Variants in DNAH8 observed in about 807,000 individuals in gnomAD.
DNAH8 encodes dynein axonemal heavy chain 8, also known as axonemal beta dynein heavy chain 8.
A neutral mutation model predicts 562.1 loss-of-function variants in DNAH8; 382 were observed. The observed-to-expected ratio is 0.68, with a 90% CI of 0.63 to 0.74. The LOEUF is 0.74. DNAH8 is among the 30% of genes least tolerant of loss of function. DNAH8 has a pLI of 0.00. For missense variants in DNAH8, 5,203 were observed against 5,620.4 expected (o/e 0.93, Z 2.37); for synonymous variants, 1,881 against 1,919.4 (o/e 0.98, Z 0.52).
intron 3 of DNAH8, among the ~76,000 whole-genome samples, chr6:38,723,754 T>G (rs1039040367): frequency 1.3e-5 from 2 of 151,948 alleles, no homozygotes; most frequent in Non-Finnish European, 2.9e-5. Context: ...TCCGTACCTG[T>G]GGTCCCAGCT....
chr6:38,922,978 T>C (rs1201572651), intron 71 of DNAH8, 80 bp from the exon 72 acceptor site: 5 of 1,426,834 alleles, frequency 3.5e-6, no homozygotes, highest in Non-Finnish European at 4.8e-6. Flanking sequence ...CCCCCATGTA[T>C]TTTTATGTGT....
rs117322429 is a variant in DNAH8, at chr6:38,761,672, A to G, written c.1516-30A>G. 383 of 1,192,512 alleles carry G rather than the reference A, an allele frequency of 3.2e-4. 1 individual carries two copies. The East Asian group carries it at 6.7e-3, about 21-fold the overall frequency. The allele number at this position is 1,192,512 out of a possible 1,614,324, so 73.9% of individuals were successfully genotyped here. A position where few individuals can be genotyped will look rare whatever the true frequency, so the allele number is the denominator to read the frequency against. ...ATAAATGTTATTTCTCTTTTTACAT[A>G]TAATTATTTTGTACCTATATTTATT... is the stretch of plus-strand genomic sequence containing the variant. On this transcript the variant is annotated intron_variant, in intron 10 of 92. Transcript: ENST00000327475.
chr6:38,885,659 TG>T (rs1778861659), intron 56 of DNAH8, among the ~76,000 whole-genome samples: 1 of 152,208 alleles, frequency 6.6e-6, no homozygotes. Context: ...ACGCTGGATA[TG>T]GTGTTCACTC....
rs538832245 is a variant in DNAH8 at position 38,977,782 on chromosome 6, T to A, written c.12834+3253T>A. The stretch of plus-strand genomic sequence containing the variant: ...TGGGTTATTTTTTTCCTATTGATTG[T>A]CAATGTGCCACTCTTTGAGGTGTGT... On this transcript the variant is annotated intron_variant, in intron 85 of 92. Transcript: ENST00000327475. Among the ~76,000 whole-genome samples, 18 of 152,328 alleles carry A rather than the reference T, an allele frequency of 1.2e-4. No individual in the cohort carries two copies. The South Asian group carries it at 3.7e-3, about 32-fold the overall frequency.
chr6:38,944,968 T>C (rs1041425420), intron 79 of DNAH8, among the ~76,000 whole-genome samples: 1 of 150,442 alleles, frequency 6.6e-6, no homozygotes, highest in African/African-American at 2.4e-5. Flanking sequence ...AACCCCAACC[T>C]TAACCCTAAC....
chr6:38,901,410 C>T (rs1356676353), intron 62 of DNAH8, among the ~76,000 whole-genome samples: 1 of 151,896 alleles, frequency 6.6e-6, no homozygotes, highest in Non-Finnish European at 1.5e-5. Flanking sequence ...TATTGATATC[C>T]AGTTGATCCA....
chr6:38,816,757 G>A (rs1436420307), intron 26 of DNAH8, among the ~76,000 whole-genome samples: 1 of 152,146 alleles, frequency 6.6e-6, no homozygotes, highest in Non-Finnish European at 1.5e-5. Context: ...TTTGTTTCTT[G>A]ACTTTTTAAT....
At chr6:38,867,410 G>A (rs890250829) in intron 47 of DNAH8, among the ~76,000 whole-genome samples, 2 of 152,086 alleles carry the variant, frequency 1.3e-5, no homozygotes, top group East Asian at 3.9e-4. Flanking sequence ...TTATGTAAAC[G>A]GAATCACATA....
At chr6:38,815,786 A>G in intron 26 of DNAH8, 129 bp downstream of exon 26, 1 of 893,304 alleles carries the variant, frequency 1.1e-6, no homozygotes, top group Non-Finnish European at 1.6e-6. Context: ...TCTTAAACAT[A>G]ACGTGCAGGC....
At chr6:38,981,248 T>C (rs1030205083) in intron 85 of DNAH8, among the ~76,000 whole-genome samples, 22 of 152,176 alleles carry the variant, frequency 1.4e-4, no homozygotes, top group Admixed American at 1.3e-3. Context: ...AGACTGATTA[T>C]GTGTTGCGAT....
At chr6:38,781,468 C>A in intron 16 of DNAH8, 95 bp downstream of exon 16, 4 of 1,370,580 alleles carry the variant, frequency 2.9e-6, no homozygotes, top group Non-Finnish European at 3.9e-6. Flanking sequence ...TTAAAGTAGC[C>A]AACAACGAGC....
chr6:38,799,821 G>A (rs1486588977), intron 21 of DNAH8, among the ~76,000 whole-genome samples: 2 of 152,084 alleles, frequency 1.3e-5, no homozygotes, highest in African/African-American at 4.8e-5. Context: ...CTATAGACAT[G>A]CCTATTCTGG....
At chr6:38,834,815 C>T (rs1168876367) in intron 32 of DNAH8, among the ~76,000 whole-genome samples, 174 bp downstream of exon 32, 3 of 152,132 alleles carry the variant, frequency 2.0e-5, no homozygotes, top group African/African-American at 7.2e-5. Context: ...CCTCCATGCT[C>T]CTCTCCACAG....
intron 17 of DNAH8, among the ~76,000 whole-genome samples, chr6:38,785,241 C>T (rs1449499807): frequency 6.6e-6 from 1 of 152,196 alleles, no homozygotes; most frequent in Non-Finnish European, 1.5e-5. Context: ...AGTGATGTGA[C>T]TGTACTTGGC....
intron 27 of DNAH8, 73 bp downstream of exon 27, chr6:38,823,107 A>G (rs757944303): frequency 3.4e-5 from 46 of 1,343,922 alleles, no homozygotes; most frequent in Admixed American, 5.2e-5. Flanking sequence ...CCAGGAAAAT[A>G]TCAGGGATAA....
intron 83 of DNAH8, among the ~76,000 whole-genome samples, chr6:38,972,970 C>G (rs1441690838): frequency 6.6e-6 from 1 of 152,134 alleles, no homozygotes. Context: ...ATTTATCATG[C>G]TCACTATTTT....
rs1432121531 is a variant in DNAH8 at position 38,886,774 on chromosome 6, G to T, written c.8260-17G>T. ...GATAGTGATATGTTACAAAAATATT[G>T]CTGTGTGAAATTTCAGATAACTAAT... On this transcript the variant is annotated splice_polypyrimidine_tract_variant and intron_variant, in intron 56 of 92. Coordinates refer to ENST00000327475, the MANE Select transcript of DNAH8 (RefSeq NM_001206927.2). 4 of 1,594,546 alleles carry T rather than the reference G, an allele frequency of 2.5e-6. No homozygotes were observed. In the Admixed American group the frequency reaches 5.0e-5, roughly 20 times the overall value.
intron 82 of DNAH8, among the ~76,000 whole-genome samples, chr6:38,956,219 C>A (rs945087401): frequency 3.3e-5 from 5 of 152,204 alleles, no homozygotes; most frequent in Non-Finnish European, 4.4e-5. Flanking sequence ...GGCTCATCAA[C>A]CTCTGTACCC....
At chr6:38,730,886 C>G (rs1001710017) in intron 4 of DNAH8, among the ~76,000 whole-genome samples, 2 of 152,136 alleles carry the variant, frequency 1.3e-5, no homozygotes, top group African/African-American at 4.8e-5. Context: ...TTCAGATTGC[C>G]TTTCTTCTCT....
Sources: gnomAD v4.1 joint callset for allele counts (sites outside exome capture counted in the v4.1 genomes callset) on GRCh38, gnomAD v4.1.1 for gene constraint, MANE v1.5 for transcripts, NCBI Gene and HGNC (gene_info 2026-07-23, HGNC 2026-07-21) for gene names.